The following DNM3 variants were observed in gnomAD, a reference collection of about 807,000 sequenced individuals.
DNM3 encodes the protein dynamin 3.
In DNM3, 47 loss-of-function variants were observed where a neutral mutation model predicts 101.6. The ratio of observed to expected loss-of-function variants is 0.46; its 90% CI spans 0.37 to 0.59. The LOEUF (loss-of-function observed/expected upper bound fraction) is 0.59. Among genes scored for constraint, DNM3 ranks in the 20% least tolerant of loss-of-function variants. The probability of loss-of-function intolerance (pLI) is 0.00; values close to 1 mark genes in which losing one functional copy is unlikely to be tolerated. For synonymous variants in DNM3, 385 were observed against 387.9 expected, an observed-to-expected ratio of 0.99 and a Z score of 0.09; for missense variants, 849 against 1,085.7, an observed-to-expected ratio of 0.78 and a Z score of 3.06.
chr1:172,210,602 G>A (rs2060481479), intron 14 of DNM3, among the ~76,000 whole-genome samples: 1 of 151,916 alleles, frequency 6.6e-6, no homozygotes, highest in Non-Finnish European at 1.5e-5. Flanking sequence ...AGTTACATCT[G>A]AACAAATCAA....
At chr1:172,100,185 A>G (rs2054537579) in intron 13 of DNM3, among the ~76,000 whole-genome samples, 1 of 152,226 alleles carries the variant, frequency 6.6e-6, no homozygotes. Flanking sequence ...AGACTGGAAT[A>G]TGAAATTTGG....
chr1:172,190,243 A>G (rs2059664813), intron 14 of DNM3, among the ~76,000 whole-genome samples: 1 of 151,944 alleles, frequency 6.6e-6, no homozygotes, highest in Admixed American at 6.6e-5. Context: ...ATTCCCACCT[A>G]TGATTGAGAA....
At chr1:171,915,383 T>C (rs1356910695) in intron 1 of DNM3, among the ~76,000 whole-genome samples, 2 of 152,162 alleles carry the variant, frequency 1.3e-5, no homozygotes, top group East Asian at 3.8e-4. Flanking sequence ...GTGAGATTAG[T>C]GTAGCAGTTT....
intron 10 of DNM3, among the ~76,000 whole-genome samples, chr1:172,065,011 A>G (rs16843777): frequency 0.065 from 9,884 of 152,212 alleles, 637 homozygotes; most frequent in East Asian, 0.17. Flanking sequence ...AGTAAGCTTG[A>G]AAAGATCAGG....
At chr1:172,229,160 A>G (rs1421743823) in intron 14 of DNM3, among the ~76,000 whole-genome samples, 1 of 152,180 alleles carries the variant, frequency 6.6e-6, no homozygotes, top group East Asian at 1.9e-4. Flanking sequence ...ATCAATGAGT[A>G]TTTGAACTCA....
At chr1:172,246,049 A>G (rs2061941189) in intron 14 of DNM3, among the ~76,000 whole-genome samples, 1 of 152,188 alleles carries the variant, frequency 6.6e-6, no homozygotes, top group Non-Finnish European at 1.5e-5. Context: ...GAGAGAAAGA[A>G]TTAAGGGGAA....
At chr1:171,848,488 A>T (rs2032500777) in intron 1 of DNM3, among the ~76,000 whole-genome samples, 1 of 152,222 alleles carries the variant, frequency 6.6e-6, no homozygotes, top group Non-Finnish European at 1.5e-5. Context: ...ATATTTATCC[A>T]CCAGGTGGGC....
At chr1:172,371,813 G>A (rs1020228879) in intron 17 of DNM3, among the ~76,000 whole-genome samples, 14 of 150,870 alleles carry the variant, frequency 9.3e-5, no homozygotes, top group African/African-American at 2.4e-4. Flanking sequence ...AGGGTATTCT[G>A]TCTAAGTCAG....
intron 15 of DNM3, among the ~76,000 whole-genome samples, chr1:172,267,897 A>T (rs1350065542): frequency 6.6e-6 from 1 of 152,102 alleles, no homozygotes; most frequent in African/African-American, 2.4e-5. Context: ...TATTTTTAGT[A>T]GAGACGGGGT....
intron 14 of DNM3, among the ~76,000 whole-genome samples, chr1:172,217,573 T>A: frequency 6.6e-6 from 1 of 152,178 alleles, no homozygotes; most frequent in South Asian, 2.1e-4. Flanking sequence ...CACTGCCTCT[T>A]ATTCGATCAT....
At chr1:171,924,437 T>G (rs768180837) in intron 2 of DNM3, among the ~76,000 whole-genome samples, 15 of 152,202 alleles carry the variant, frequency 9.9e-5, no homozygotes, top group Non-Finnish European at 1.8e-4. Context: ...AGAAAGAGGT[T>G]TCATTGACTC....
chr1:171,984,222 C>T (rs2045061380), intron 2 of DNM3, among the ~76,000 whole-genome samples: 2 of 152,104 alleles, frequency 1.3e-5, no homozygotes, highest in South Asian at 2.1e-4. Context: ...ATTGTCTGTC[C>T]TCAACACAGC....
intron 14 of DNM3, among the ~76,000 whole-genome samples, chr1:172,183,015 C>T (rs1414748049): frequency 6.6e-6 from 1 of 151,836 alleles, no homozygotes; most frequent in African/African-American, 2.4e-5. Flanking sequence ...GTTCCTTTAC[C>T]AAGAACTGGT....
chr1:171,850,739 T>C (rs1449542133), intron 1 of DNM3, among the ~76,000 whole-genome samples: 1 of 152,106 alleles, frequency 6.6e-6, no homozygotes, highest in East Asian at 1.9e-4. Flanking sequence ...TTATGTACTT[T>C]GAAAGTTACA....
At chr1:172,312,529 T>C (rs1388971807) in intron 16 of DNM3, among the ~76,000 whole-genome samples, 1 of 152,224 alleles carries the variant, frequency 6.6e-6, no homozygotes, top group Non-Finnish European at 1.5e-5. Context: ...TATATTTTTT[T>C]CCATCACGTC....
chr1:171,932,047 T>TC (rs2041057472), intron 2 of DNM3, among the ~76,000 whole-genome samples: 1 of 53,934 alleles, frequency 1.9e-5, no homozygotes, highest in Non-Finnish European at 3.3e-5. Flanking sequence ...CCTCTCCCCA[T>TC]CCCCCACCCT....
At chr1:172,263,087 T>C (rs564050492) in intron 15 of DNM3, among the ~76,000 whole-genome samples, 2 of 152,326 alleles carry the variant, frequency 1.3e-5, no homozygotes, top group Non-Finnish European at 2.9e-5. Context: ...CCTGCAGTTT[T>C]GGCTGAAATG....
At chr1:172,212,204 G>T (rs1170639265) in intron 14 of DNM3, among the ~76,000 whole-genome samples, 1 of 152,078 alleles carries the variant, frequency 6.6e-6, no homozygotes, top group East Asian at 1.9e-4. Flanking sequence ...GAACAGAAAG[G>T]ATGTCGATTA....
In DNM3 at chr1:172,410,122, C is replaced by T. The variant is rs755268433; in HGVS notation, c.*2281C>T. On this transcript the variant is annotated 3_prime_UTR_variant, in exon 21 of 21. Transcript: ENST00000627582. ...GTTATTTCTCATAGAACCCAGCCTA[C>T]TCTAGAATTTCAGCAGTGACATTGG... The T allele has an allele frequency of 2.0e-6, 2 of 985,366 alleles. No homozygotes were observed. The highest frequency in any genetic ancestry group is 2.4e-6 in the Non-Finnish European group (2 of 829,876). The allele number at this position is 985,366 out of a possible 1,614,324, so 61.0% of individuals were successfully genotyped here.
Sources: allele counts gnomAD v4.1 joint callset (sites outside exome capture counted in the v4.1 genomes callset), GRCh38; gene constraint gnomAD v4.1.1; transcripts MANE v1.5; gene names NCBI Gene and HGNC (gene_info 2026-07-23, HGNC 2026-07-21).